The following RSPH3 variants were observed in gnomAD, a reference collection of about 807,000 sequenced individuals.
The protein encoded by RSPH3 is radial spoke head protein 3 homolog.
RSPH3 carries 21 observed loss-of-function variants against 43.8 expected under a neutral mutation model. The observed-to-expected ratio is 0.48, with a 90% CI of 0.34 to 0.69. The LOEUF (loss-of-function observed/expected upper bound fraction) is 0.69. Among genes scored for constraint, RSPH3 ranks in the 30% least tolerant of loss-of-function variants. The pLI is 0.01. For synonymous variants in RSPH3, 173 were observed against 179.8 expected, an observed-to-expected ratio of 0.96 and a Z score of 0.30; for missense variants, 487 against 516.0, an observed-to-expected ratio of 0.94 and a Z score of 0.54.
chr6:158,990,691 C>T (rs1335390830), intron 2 of RSPH3: 1 of 151,384 alleles, frequency 6.6e-6, no homozygotes, highest in African/African-American at 2.4e-5. Flanking sequence ...TGATTTGTCT[C>T]GGGTAGATTT....
At chr6:158,970,831 G>A (rs552292805), downstream of RSPH3, among the ~76,000 whole-genome samples, 33 of 152,274 alleles carry the variant, frequency 2.2e-4, 1 homozygote, top group Middle Eastern at 0.014. Context: ...GATTACAGGC[G>A]TGAGAAACGT....
chr6:158,986,431 A>G lies in RSPH3; in HGVS notation c.205-10T>C, dbSNP rs2128608004. On this transcript the variant is annotated splice_polypyrimidine_tract_variant and intron_variant, in intron 2 of 7. Coordinates refer to ENST00000367069, the MANE Select transcript of RSPH3 (RefSeq NM_031924.8). ...AATCAGGCCGTCCGAGCTAACAGTG[A>G]TAGAAAATACTTCTAGAATTTAGAA... 1.3e-6 allele frequency: 2 copies of G among 1,598,028 alleles called. No individual in the cohort carries two copies. The highest frequency in any genetic ancestry group is 4.5e-5 in the East Asian group (2 of 44,792).
intron 2 of RSPH3, among the ~76,000 whole-genome samples, chr6:158,990,938 G>A (rs1489947540): frequency 2.1e-5 from 3 of 142,032 alleles, no homozygotes; most frequent in African/African-American, 8.0e-5. Context: ...GATAACTTCC[G>A]TTCTTCATTG....
Position 158,974,380 on chromosome 6 carries a change from T to C in RSPH3, c.*3158A>G, listed in dbSNP as rs1347109035. On this transcript the variant is annotated 3_prime_UTR_variant, in exon 8 of 8. Transcript: ENST00000367069. ...GGTCCCATAACCATCTGAATGTTAATAGTACCCATTTTCTTCTATGCTGGA... is the reference window on the plus strand; with the variant it reads ...GGTCCCATAACCATCTGAATGTTAACAGTACCCATTTTCTTCTATGCTGGA... 1 of 152,240 alleles carries C rather than the reference T, an allele frequency of 6.6e-6. No homozygotes were observed. The highest frequency in any genetic ancestry group is 2.4e-5 in the African/African-American group (1 of 41,464). 9.4% of individuals were successfully genotyped at this position (152,240 alleles called of 1,614,324 possible).
downstream of RSPH3, among the ~76,000 whole-genome samples, chr6:158,968,934 C>T: frequency 6.6e-6 from 1 of 152,168 alleles, no homozygotes. Context: ...TGGTCTCAAT[C>T]TCATGACCTT....
Position 158,973,232 on chromosome 6 carries a change from C to G in RSPH3, c.*4306G>C, listed in dbSNP as rs190812423. The stretch of plus-strand genomic sequence containing the variant: ...ACATAAAAATACATTCTGTGATTCA[C>G]CTATAAACAAAAGAGTAAAGCAGAA... On this transcript the variant is annotated 3_prime_UTR_variant, in exon 8 of 8. Coordinates refer to ENST00000367069, the MANE Select transcript of RSPH3 (RefSeq NM_031924.8). 9.8e-4 allele frequency: 149 copies of G among 152,196 alleles called. 1 individual carries two copies. The highest frequency in any genetic ancestry group is 3.4e-3 in the African/African-American group (143 of 41,522). 9.4% of individuals were successfully genotyped at this position (152,196 alleles called of 1,614,324 possible). A position where few individuals can be genotyped will look rare whatever the true frequency, so the allele number is the denominator to read the frequency against.
chr6:158,994,168 G>C (rs1778512060), intron 1 of RSPH3, among the ~76,000 whole-genome samples: 1 of 152,106 alleles, frequency 6.6e-6, no homozygotes, highest in African/African-American at 2.4e-5. Flanking sequence ...TGGGAATTAT[G>C]ATTCCTTTTT....
At chr6:158,985,529 C>T (rs1203134429) in intron 3 of RSPH3, among the ~76,000 whole-genome samples, 1 of 152,104 alleles carries the variant, frequency 6.6e-6, no homozygotes, top group Non-Finnish European at 1.5e-5. Flanking sequence ...ATCCTGGGCA[C>T]ATATGATCCT....
At position 158,999,522 on chromosome 6, in the gene RSPH3, G is replaced by C; in HGVS notation, c.29C>G (p.Ser10Cys). 6.3e-7 allele frequency: 1 copy of C among 1,576,676 alleles called. No individual in the cohort carries two copies. The highest frequency in any genetic ancestry group is 8.6e-7 in the Non-Finnish European group (1 of 1,156,650). The change falls in exon 1 of 8, where the codon TCT (serine) becomes TGT (cysteine). Residue 10 changes from serine (S) to cysteine (C), a missense_variant. Ser to Cys is a moderately radical substitution (Grantham distance 112). Transcript: ENST00000367069. MASALTDRTSRAPSTYTYTS... is the reference protein window; with the variant it reads MASALTDRTCRAPSTYTYTS... ...GTAGGTGTAGGTGCTCGGGGCCCGA[G>C]AGGTGCGATCAGTCAGCGCTGAGGC...
At position 158,977,289 on chromosome 6, in the gene RSPH3, C is replaced by A; in HGVS notation, c.*249G>T. The A allele has an allele frequency of 4.6e-6, 2 of 431,224 alleles. No homozygotes were observed. Among genetic ancestry groups the A allele is most frequent in the South Asian group, 5.6e-5 (1 of 17,842 alleles). 26.7% of individuals were successfully genotyped at this position (431,224 alleles called of 1,614,324 possible). Reference sequence around the variant, plus strand: ...GGTTACATATAATGGTAATAGAAAGCTAGTAATTAAATATAATTCTCATTA... The same window carrying A: ...GGTTACATATAATGGTAATAGAAAGATAGTAATTAAATATAATTCTCATTA... On this transcript the variant is annotated 3_prime_UTR_variant, in exon 8 of 8. Coordinates refer to ENST00000367069, the MANE Select transcript of RSPH3 (RefSeq NM_031924.8).
the RSPH3 span, among the ~76,000 whole-genome samples, chr6:158,966,339 T>G: frequency 1.3e-5 from 2 of 152,308 alleles, no homozygotes; most frequent in South Asian, 2.1e-4. Flanking sequence ...GGTAAACTGG[T>G]CTCACAGAAT....
intron 6 of RSPH3, among the ~76,000 whole-genome samples, chr6:158,978,941 G>C (rs1347062595): frequency 1.3e-5 from 2 of 152,078 alleles, no homozygotes; most frequent in Admixed American, 6.6e-5. Context: ...GGAGGATGTG[G>C]GTTTGGGAGA....
downstream of RSPH3, among the ~76,000 whole-genome samples, chr6:158,970,787 G>A (rs1394793520): frequency 6.6e-6 from 1 of 152,010 alleles, no homozygotes; most frequent in Non-Finnish European, 1.5e-5. Context: ...TCCTGACCTC[G>A]TGATTCACCT....
rs557399095 is a variant in RSPH3 at position 158,975,327 on chromosome 6, C to T, written c.*2211G>A. The T allele has an allele frequency of 8.5e-5, 13 of 152,060 alleles. No homozygotes were observed. Among genetic ancestry groups the T allele is most frequent in the Non-Finnish European group, 1.5e-4 (10 of 68,022 alleles). 9.4% of individuals were successfully genotyped at this position (152,060 alleles called of 1,614,324 possible). Reference sequence around the variant, plus strand: ...CCCATGATGGATAAGAGGCGTGATTCCAATTTTTAAAATGCTATTAGTGCA... The same window carrying T: ...CCCATGATGGATAAGAGGCGTGATTTCAATTTTTAAAATGCTATTAGTGCA... On this transcript the variant is annotated 3_prime_UTR_variant, in exon 8 of 8. Transcript: ENST00000367069.
chr6:158,982,778 A>G (rs1778078880), intron 4 of RSPH3, 90 bp from the exon 5 acceptor site: 1 of 842,908 alleles, frequency 1.2e-6, no homozygotes, highest in Non-Finnish European at 1.9e-6. Flanking sequence ...ACAAGATATT[A>G]TTTATTAAGT....
chr6:158,978,829 A>T (rs2143653), intron 6 of RSPH3, among the ~76,000 whole-genome samples: 17,332 of 152,104 alleles, frequency 0.11, 1,707 homozygotes, highest in East Asian at 0.41. Flanking sequence ...GTGAGCCACC[A>T]CACCTTGCCC....
Position 158,977,674 on chromosome 6 carries a change from T to A in RSPH3, c.1121A>T (p.Asp374Val). 1.9e-6 allele frequency: 3 copies of A among 1,614,142 alleles called. No individual in the cohort carries two copies. The highest frequency in any genetic ancestry group is 2.2e-5 in the East Asian group (1 of 44,872). ...SMSQTRELLLDGGYLQRTTYD... is the reference protein window; with the variant it reads ...SMSQTRELLLVGGYLQRTTYD... Reference sequence around the variant, plus strand: ...TGTTGTTCTTTGTAGGTAGCCTCCATCTAAAAGCAGCTCCCGTGTCTGTGA... The same window carrying A: ...TGTTGTTCTTTGTAGGTAGCCTCCAACTAAAAGCAGCTCCCGTGTCTGTGA... Residue 374 changes from aspartate (D) to valine (V), a missense_variant, in exon 8 of 8, where the codon GAT becomes GTT. Transcript: ENST00000367069.
At chr6:158,998,386 G>C (rs1429063492) in intron 1 of RSPH3, among the ~76,000 whole-genome samples, 1 of 136,508 alleles carries the variant, frequency 7.3e-6, no homozygotes, top group Admixed American at 7.3e-5. Context: ...GGAGAATGGC[G>C]TGAACCCGGG....
downstream of RSPH3, among the ~76,000 whole-genome samples, chr6:158,968,575 G>A (rs1777656803): frequency 6.6e-6 from 1 of 152,070 alleles, no homozygotes; most frequent in Non-Finnish European, 1.5e-5. Flanking sequence ...CTTAGTAGCT[G>A]CTCTGGGGAT....
Sources: allele counts gnomAD v4.1 joint callset (sites outside exome capture counted in the v4.1 genomes callset), GRCh38; gene constraint gnomAD v4.1.1; transcripts MANE v1.5; gene names NCBI Gene and HGNC (gene_info 2026-07-23, HGNC 2026-07-21).